The following CLNS1A variants were observed in gnomAD, a reference collection of about 807,000 sequenced individuals.
CLNS1A encodes chloride nucleotide-sensitive channel 1A, also known as methylosome subunit pICln.
In CLNS1A, 16 loss-of-function variants were observed where a neutral mutation model predicts 29.4. The ratio of observed to expected loss-of-function variants is 0.54; its 90% CI spans 0.37 to 0.83. The LOEUF (loss-of-function observed/expected upper bound fraction) is 0.83. CLNS1A is among the 40% of genes least tolerant of loss of function. The pLI is 0.00. For missense variants in CLNS1A, 235 were observed against 287.4 expected, an observed-to-expected ratio of 0.82 and a Z score of 1.32; for synonymous variants, 96 against 104.8, an observed-to-expected ratio of 0.92 and a Z score of 0.51.
rs1292924131 is a variant in CLNS1A, at chr11:77,637,539, AAGG to A, written c.125+48_125+50del. On this transcript the variant is annotated intron_variant, in intron 1 of 6. Transcript: ENST00000525428. ...GCTCCTTCGCACCGCCTGCTCCAGC[AAGG>A]AGGAGGGCGGCGCGCAGGAGGCCAG... The A allele has an allele frequency of 5.2e-6, 8 of 1,550,124 alleles. No homozygotes were observed. In the East Asian group the frequency reaches 9.4e-5, roughly 18 times the overall value.
intron 1 of CLNS1A, among the ~76,000 whole-genome samples, chr11:77,634,719 G>C (rs559191772): frequency 8.6e-6 from 1 of 116,110 alleles, no homozygotes; most frequent in South Asian, 2.7e-4. Context: ...ACAAGACTCT[G>C]TCTCAAAAAA....
chr11:77,632,501 C>T (rs1255691086), intron 1 of CLNS1A, among the ~76,000 whole-genome samples: 2 of 152,266 alleles, frequency 1.3e-5, no homozygotes, highest in East Asian at 3.9e-4. Context: ...AATACAAATG[C>T]TCCTCTGCAC....
rs764215474 is a variant in CLNS1A at position 77,616,154 on chromosome 11, T to C, written c.*564A>G. 5.3e-5 allele frequency: 8 copies of C among 152,200 alleles called. No homozygotes were observed. The highest frequency in any genetic ancestry group is 1.5e-5 in the Non-Finnish European group (1 of 68,036). 9.4% of individuals were successfully genotyped at this position (152,200 alleles called of 1,614,324 possible). A position where few individuals can be genotyped will look rare whatever the true frequency, so the allele number is the denominator to read the frequency against. On this transcript the variant is annotated 3_prime_UTR_variant, in exon 7 of 7. Transcript: ENST00000525428. ...TTAGTCAAGAATGAGAGCAAAGTAA[T>C]ATAGAAAACCTAGGTTTATTTGTTA...
In CLNS1A at chr11:77,626,885, C is replaced by T. The variant is rs189582873; in HGVS notation, c.263-1067G>A. Among the ~76,000 whole-genome samples the T allele has an allele frequency of 5.6e-3, 838 of 150,292 alleles. 10 individuals carry two copies. The highest frequency in any genetic ancestry group is 0.02 in the African/African-American group (803 of 41,012). ...TTTTTTGTATTTTTTTTAGTAAAGA[C>T]GGGGTTTCACCGTGTTAGCCAGAAT... On this transcript the variant is annotated intron_variant, in intron 2 of 6. Transcript: ENST00000525428.
In CLNS1A at chr11:77,629,807, CA is replaced by C; in HGVS notation, c.217del (p.Cys73ValfsTer2). ...LHALSRDRSDCLGEHLYVMVN... is the reference protein window; with the variant it reads ...LHALSRDRSDXLGEHLYVMVN... ...CATAACATACAAATGCTCTCCTAGA[CA>C]GTCACTTCGGTCCCTGGATAATGCA... On this transcript the variant is annotated frameshift_variant, in exon 2 of 7. Coordinates refer to ENST00000525428, the MANE Select transcript of CLNS1A (RefSeq NM_001293.3). LOFTEE classifies it high-confidence loss of function. 1 of 1,613,604 alleles carries C rather than the reference CA, an allele frequency of 6.2e-7. No individual in the cohort carries two copies. The highest frequency in any genetic ancestry group is 1.1e-5 in the South Asian group (1 of 91,072).
At chr11:77,619,910 A>G (rs1958940021) in intron 5 of CLNS1A, among the ~76,000 whole-genome samples, 1 of 152,216 alleles carries the variant, frequency 6.6e-6, no homozygotes, top group Non-Finnish European at 1.5e-5. Flanking sequence ...AACTGTGTAA[A>G]TTCTCACCCT....
chr11:77,637,264 AT>A (rs1396983221), intron 1 of CLNS1A, among the ~76,000 whole-genome samples: 40 of 145,528 alleles, frequency 2.7e-4, no homozygotes, highest in African/African-American at 4.1e-4. Flanking sequence ...AAAAAAGAAA[AT>A]AAAAGAAAGA....
chr11:77,633,663 G>T (rs1590804431), intron 1 of CLNS1A, among the ~76,000 whole-genome samples: 1 of 151,824 alleles, frequency 6.6e-6, no homozygotes, highest in South Asian at 2.1e-4. Flanking sequence ...TAATTATTTG[G>T]TTTAAGATTA....
intron 5 of CLNS1A, among the ~76,000 whole-genome samples, chr11:77,621,561 T>G (rs1308848962): frequency 6.6e-6 from 1 of 152,150 alleles, no homozygotes; most frequent in African/African-American, 2.4e-5. Flanking sequence ...GAGAATCGCT[T>G]GAACCCAGGA....
chr11:77,629,624 G>T, intron 2 of CLNS1A, 139 bp downstream of exon 2: 1 of 674,776 alleles, frequency 1.5e-6, no homozygotes, highest in South Asian at 2.0e-5. Flanking sequence ...TCGATCTCCT[G>T]ACCTTGTGAT....
At position 77,625,089 on chromosome 11, in the gene CLNS1A, C is replaced by T. The variant is rs781581866; in HGVS notation, c.365-19G>A. 1 of 1,540,196 alleles carries T rather than the reference C, an allele frequency of 6.5e-7. No homozygotes were observed. Among genetic ancestry groups the T allele is most frequent in the Non-Finnish European group, 8.9e-7 (1 of 1,121,064 alleles). ...GCCTCCACTGAACAAGGAAATTAAA[C>T]TGTAACCAATCTTTTTTTGTAATAA... On this transcript the variant is annotated intron_variant, in intron 3 of 6. Transcript: ENST00000525428.
chr11:77,632,396 T>A (rs1342669294), intron 1 of CLNS1A, among the ~76,000 whole-genome samples: 1 of 152,186 alleles, frequency 6.6e-6, no homozygotes, highest in African/African-American at 2.4e-5. Context: ...ATGGAAAAAC[T>A]GAAACCTAAA....
At position 77,637,243 on chromosome 11, in the gene CLNS1A, TAA is replaced by T. The variant is rs747109219; in HGVS notation, c.125+345_125+346del. Among the ~76,000 whole-genome samples the T allele has an allele frequency of 5.1e-3, 220 of 43,140 alleles. 9 individuals are homozygous for T. The highest frequency in any genetic ancestry group is 0.029 in the African/African-American group (202 of 7,030). 28.3% of individuals were successfully genotyped at this position (43,140 alleles called of 152,430 possible). On this transcript the variant is annotated intron_variant, in intron 1 of 6. Coordinates refer to ENST00000525428, the MANE Select transcript of CLNS1A (RefSeq NM_001293.3). ...CCAGACCTCCAGTAAATAGGCGAGTTAAAAAAAAAAAAAAAAGAAAATAAAAG... is the reference window on the plus strand; with the variant it reads ...CCAGACCTCCAGTAAATAGGCGAGTTAAAAAAAAAAAAAAGAAAATAAAAG...
intron 1 of CLNS1A, among the ~76,000 whole-genome samples, chr11:77,631,382 C>T (rs2508232): frequency 3.3e-5 from 5 of 149,464 alleles, no homozygotes; most frequent in South Asian, 2.1e-4. Context: ...AGTGCAGTGG[C>T]GGATCTCGGC....
At chr11:77,632,701 T>C (rs1959086534) in intron 1 of CLNS1A, among the ~76,000 whole-genome samples, 3 of 152,166 alleles carry the variant, frequency 2.0e-5, no homozygotes, top group African/African-American at 4.8e-5. Flanking sequence ...GCAAATCATA[T>C]ATTAATATTC....
At chr11:77,617,617 A>G (rs1272766370) in intron 6 of CLNS1A, among the ~76,000 whole-genome samples, 13 of 151,918 alleles carry the variant, frequency 8.6e-5, no homozygotes, top group Non-Finnish European at 1.8e-4. Context: ...TAAACATTAT[A>G]CATAATGTTT....
intron 5 of CLNS1A, among the ~76,000 whole-genome samples, chr11:77,620,620 A>G (rs4945189): frequency 0.18 from 27,418 of 150,286 alleles, 3,139 homozygotes; most frequent in African/African-American, 0.31. Context: ...CCAACATGGC[A>G]AAACCCCATG....
At chr11:77,631,163 G>A (rs966864857) in intron 1 of CLNS1A, among the ~76,000 whole-genome samples, 3 of 152,102 alleles carry the variant, frequency 2.0e-5, no homozygotes, top group African/African-American at 7.2e-5. Flanking sequence ...TTCAGTGGAA[G>A]GGGAGGATGA....
In CLNS1A at chr11:77,625,823, A is replaced by G. The variant is rs753856419; in HGVS notation, c.263-5T>C. On this transcript the variant is annotated splice_region_variant and splice_polypyrimidine_tract_variant and intron_variant, in intron 2 of 6. Coordinates refer to ENST00000525428, the MANE Select transcript of CLNS1A (RefSeq NM_001293.3). ...CAACAGGTTCTTTTGATTCTTCTAG[A>G]AAATAAAATACCCTTTTAATGTCAT... 1 of 1,550,082 alleles carries G rather than the reference A, an allele frequency of 6.5e-7. No individual in the cohort carries two copies. The highest frequency in any genetic ancestry group is 8.9e-7 in the Non-Finnish European group (1 of 1,124,864).
Sources: allele counts gnomAD v4.1 joint callset (sites outside exome capture counted in the v4.1 genomes callset), GRCh38; gene constraint gnomAD v4.1.1; transcripts MANE v1.5; gene names NCBI Gene and HGNC (gene_info 2026-07-23, HGNC 2026-07-21).